Variants in LGR6 observed in about 807,000 individuals in gnomAD.
LGR6 encodes leucine-rich repeat-containing G protein-coupled receptor 6.
LGR6 carries 45 observed loss-of-function variants against 69.4 expected under a neutral mutation model. The observed-to-expected ratio is 0.65, with a 90% confidence interval of 0.51 to 0.83. LGR6 has a LOEUF of 0.83. LGR6 is among the 40% of genes least tolerant of loss of function. LGR6 has a pLI of 0.00. For missense variants in LGR6, 1,108 were observed against 1,246.7 expected (o/e 0.89, Z 1.68); for synonymous variants, 538 against 555.0 (o/e 0.97, Z 0.43).
At chr1:202,232,756 C>G (rs932889396) in intron 3 of LGR6, among the ~76,000 whole-genome samples, 1 of 152,170 alleles carries the variant, frequency 6.6e-6, no homozygotes, top group African/African-American at 2.4e-5. Context: ...AGAACCAGGG[C>G]TAGAAAAAGA....
intron 6 of LGR6, among the ~76,000 whole-genome samples, chr1:202,291,799 T>C (rs750693390): frequency 1.3e-5 from 2 of 152,206 alleles, no homozygotes; most frequent in African/African-American, 2.4e-5. Context: ...GGCATGGCAA[T>C]TAAATGAATT....
rs748632435 is a variant in LGR6 at position 202,276,296 on chromosome 1, C to G, written c.429-10C>G. ...CTGGATTGACCCCTCTCCATCCTCT[C>G]TTCCACCAGGCGCCTAGATGCCAAC... On this transcript the variant is annotated splice_polypyrimidine_tract_variant and intron_variant, in intron 4 of 17. Transcript: ENST00000367278. 6.2e-7 allele frequency: 1 copy of G among 1,611,264 alleles called. No homozygotes were observed. The highest frequency in any genetic ancestry group is 1.3e-5 in the African/African-American group (1 of 74,902).
chr1:202,205,503 T>G (rs1463850109), intron 1 of LGR6, among the ~76,000 whole-genome samples: 1 of 1,216 alleles, frequency 8.2e-4, no homozygotes, highest in Non-Finnish European at 2.1e-3. Context: ...ACACCCTGCT[T>G]CAAACACACA....
chr1:202,206,026 G>A (rs909656725), intron 1 of LGR6, among the ~76,000 whole-genome samples: 1 of 60,074 alleles, frequency 1.7e-5, no homozygotes, highest in Non-Finnish European at 4.1e-5. Context: ...GGGCGCTCAG[G>A]ACAGGACTGT....
intron 1 of LGR6, among the ~76,000 whole-genome samples, chr1:202,219,925 G>C (rs1319639621): frequency 1.3e-5 from 2 of 151,878 alleles, no homozygotes; most frequent in African/African-American, 4.8e-5. Context: ...GCCCAGGCTG[G>C]GGTACAGTGG....
At chr1:202,204,696 AAC>A (rs775629857) in intron 1 of LGR6, among the ~76,000 whole-genome samples, 786 of 3,680 alleles carry the variant, frequency 0.21, 3 homozygotes, top group Non-Finnish European at 0.3. Context: ...CACACCCCCA[AAC>A]ACACACACAC....
At chr1:202,315,822 C>A (rs2148318735) in intron 17 of LGR6, among the ~76,000 whole-genome samples, 1 of 152,304 alleles carries the variant, frequency 6.6e-6, no homozygotes, top group Middle Eastern at 3.4e-3. Flanking sequence ...CTAACCCAAC[C>A]TGGAGGAAGC....
At chr1:202,302,341 GC>G (rs1484823598) in intron 9 of LGR6, among the ~76,000 whole-genome samples, 4 of 152,152 alleles carry the variant, frequency 2.6e-5, no homozygotes, top group Admixed American at 6.5e-5. Flanking sequence ...GCCCTGTTGG[GC>G]ATGAACCCAG....
chr1:202,289,365 G>A (rs1163971143), intron 6 of LGR6, among the ~76,000 whole-genome samples: 1 of 152,174 alleles, frequency 6.6e-6, no homozygotes, highest in South Asian at 2.1e-4. Flanking sequence ...CCTCTTTGGG[G>A]GCAGGTTGGA....
At chr1:202,222,438 G>A (rs1245123069) in intron 1 of LGR6, among the ~76,000 whole-genome samples, 1 of 152,130 alleles carries the variant, frequency 6.6e-6, no homozygotes, top group African/African-American at 2.4e-5. Context: ...GGCCATGGAG[G>A]GACATCAGAG....
chr1:202,264,515 C>T (rs1210322914), intron 4 of LGR6, among the ~76,000 whole-genome samples: 2 of 152,214 alleles, frequency 1.3e-5, no homozygotes, highest in Non-Finnish European at 2.9e-5. Flanking sequence ...GGCTCCCAAG[C>T]ACATCTCAGA....
chr1:202,226,693 G>A (rs1660577624), intron 2 of LGR6, among the ~76,000 whole-genome samples: 1 of 152,242 alleles, frequency 6.6e-6, no homozygotes, highest in African/African-American at 2.4e-5. Flanking sequence ...GTCCAGGTGA[G>A]GCTGAAGAGT....
chr1:202,270,440 C>A (rs994684457), intron 4 of LGR6, among the ~76,000 whole-genome samples: 1 of 151,808 alleles, frequency 6.6e-6, no homozygotes, highest in East Asian at 1.9e-4. Flanking sequence ...TGGGGTTTCC[C>A]CATGTTGGTC....
chr1:202,224,937 G>T (rs550399231), intron 1 of LGR6, among the ~76,000 whole-genome samples: 1 of 152,364 alleles, frequency 6.6e-6, no homozygotes, highest in East Asian at 1.9e-4. Flanking sequence ...AGTCGTACCA[G>T]TTCATGAATA....
At chr1:202,202,088 G>A (rs1365170925) in intron 1 of LGR6, among the ~76,000 whole-genome samples, 1 of 152,140 alleles carries the variant, frequency 6.6e-6, no homozygotes, top group Admixed American at 6.5e-5. Flanking sequence ...AAGGCCCAGG[G>A]GAGAGAGAAG....
At chr1:202,216,888 C>T (rs917873809) in intron 1 of LGR6, among the ~76,000 whole-genome samples, 1 of 152,234 alleles carries the variant, frequency 6.6e-6, no homozygotes, top group Admixed American at 6.5e-5. Flanking sequence ...TCTCCTGGCT[C>T]TGGGCACAGG....
chr1:202,233,298 G>A (rs1170606570), intron 3 of LGR6, among the ~76,000 whole-genome samples: 3 of 152,174 alleles, frequency 2.0e-5, no homozygotes, highest in Non-Finnish European at 4.4e-5. Context: ...GCATTGAGGG[G>A]CCCCTTGGAG....
chr1:202,194,282 T>G (rs1658549968), intron 1 of LGR6, 81 bp downstream of exon 1: 1 of 1,016,560 alleles, frequency 9.8e-7, no homozygotes. Flanking sequence ...GGGCACCTGC[T>G]TGCTTGGTGC....
rs1339979627 is a variant in LGR6, at chr1:202,194,036, T to G, written c.47T>G (p.Leu16Arg). 3.6e-6 allele frequency: 5 copies of G among 1,383,444 alleles called. No individual in the cohort carries two copies. The highest frequency in any genetic ancestry group is 4.6e-6 in the Non-Finnish European group (5 of 1,075,792). 85.7% of individuals were successfully genotyped at this position (1,383,444 alleles called of 1,614,324 possible). ...GLRALWLCAA[L>R]CASRRAGGAP... The stretch of plus-strand genomic sequence containing the variant: ...CGGGCGCTATGGCTTTGCGCCGCGC[T>G]GTGCGCTTCCCGGAGGGCCGGCGGC... The change falls in exon 1 of 18, where the codon CTG becomes CGG. Residue 16 changes from leucine to arginine, a missense_variant. Transcript: ENST00000367278.
Sources: gnomAD v4.1 joint callset for allele counts (sites outside exome capture counted in the v4.1 genomes callset) on GRCh38, gnomAD v4.1.1 for gene constraint, MANE v1.5 for transcripts, NCBI Gene and HGNC (gene_info 2026-07-23, HGNC 2026-07-21) for gene names.